VLDLR: variants seen among roughly 807,000 people sequenced by gnomAD.
The protein encoded by VLDLR is very low density lipoprotein receptor, also known as very low-density lipoprotein receptor.
In VLDLR, 81 loss-of-function variants were observed where a neutral mutation model predicts 112.7. The ratio of observed to expected loss-of-function variants is 0.72; its 90% confidence interval spans 0.60 to 0.86. The LOEUF (loss-of-function observed/expected upper bound fraction) is 0.86. VLDLR is among the 40% of genes least tolerant of loss of function. The probability of loss-of-function intolerance (pLI) is 0.00; values close to 1 mark genes in which losing one functional copy is unlikely to be tolerated. For missense variants in VLDLR, 1,237 were observed against 1,099.4 expected, an observed-to-expected ratio of 1.13 and a Z score of -1.77; for synonymous variants, 436 against 384.8, an observed-to-expected ratio of 1.13 and a Z score of -1.56.
At chr9:2,637,560 G>A (rs1490430576) in intron 2 of VLDLR, among the ~76,000 whole-genome samples, 2 of 152,086 alleles carry the variant, frequency 1.3e-5, no homozygotes, top group Admixed American at 6.5e-5. Flanking sequence ...AGAACCATAC[G>A]GCAATTTGTC....
rs879865598 is a variant in VLDLR at position 2,654,860 on chromosome 9, C to T, written c.*992C>T. 5 of 152,028 alleles carry T rather than the reference C, an allele frequency of 3.3e-5. No individual in the cohort carries two copies. Among genetic ancestry groups the T allele is most frequent in the Non-Finnish European group, 7.4e-5 (5 of 67,992 alleles). 9.4% of individuals were successfully genotyped at this position (152,028 alleles called of 1,614,324 possible). A position where few individuals can be genotyped will look rare whatever the true frequency, so the allele number is the denominator to read the frequency against. On this transcript the variant is annotated 3_prime_UTR_variant, in exon 19 of 19. Transcript: ENST00000382100. ...TATATAGGTCAAGGACAAGTGCCTTCTAAGGCATGGATAAGGGCTTTCTTC... is the reference window on the plus strand; with the variant it reads ...TATATAGGTCAAGGACAAGTGCCTTTTAAGGCATGGATAAGGGCTTTCTTC...
Position 2,644,957 on chromosome 9 carries a change from A to G in VLDLR, c.1187A>G (p.Asp396Gly). The change falls in exon 9 of 19, where the codon GAT (aspartate) becomes GGT (glycine). Residue 396 changes from aspartate to glycine, a missense_variant and splice_region_variant. Coordinates refer to ENST00000382100, the MANE Select transcript of VLDLR (RefSeq NM_003383.5). The part of the protein sequence containing the change: ...FELIDRKTCG[D>G]IDECQNPGIC... ...AGACTAATTCTGATTTCCCTCCCAG[A>G]TATTGATGAATGCCAAAATCCAGGA... 6.2e-7 allele frequency: 1 copy of G among 1,614,196 alleles called. No individual in the cohort carries two copies. Among genetic ancestry groups the G allele is most frequent in the Non-Finnish European group, 8.5e-7 (1 of 1,180,030 alleles).
In VLDLR at chr9:2,659,425, C is replaced by G. The variant is rs558506764; in HGVS notation, c.*5557C>G. The G allele has an allele frequency of 3.9e-5, 6 of 152,342 alleles. No individual in the cohort carries two copies. Among genetic ancestry groups the G allele is most frequent in the Admixed American group, 1.3e-4 (2 of 15,302 alleles). 9.4% of individuals were successfully genotyped at this position (152,342 alleles called of 1,614,324 possible). ...TACTACTAGCACTACTACATCAGGTCAGCACAGATTAACTCAGTTACGTGT... is the reference window on the plus strand; with the variant it reads ...TACTACTAGCACTACTACATCAGGTGAGCACAGATTAACTCAGTTACGTGT... On this transcript the variant is annotated 3_prime_UTR_variant, in exon 19 of 19. Coordinates refer to ENST00000382100, the MANE Select transcript of VLDLR (RefSeq NM_003383.5).
chr9:2,623,281 T>G (rs1816922632), intron 1 of VLDLR, among the ~76,000 whole-genome samples: 1 of 152,192 alleles, frequency 6.6e-6, no homozygotes, highest in African/African-American at 2.4e-5. Flanking sequence ...CTCGTAACTT[T>G]CCTGGACAGG....
rs1199575304 is a variant in VLDLR at position 2,622,237 on chromosome 9, C to T, written c.48C>T (p.Cys16=). The part of the protein sequence containing the change: ...LWALWLLLAL[C]WAPRESGATG... Reference sequence around the variant, plus strand: ...CGCTCTGGCTGCTGCTCGCGCTGTGCTGGGCGCCCCGGGAGAGCGGCGCCA... The same window carrying T: ...CGCTCTGGCTGCTGCTCGCGCTGTGTTGGGCGCCCCGGGAGAGCGGCGCCA... The change falls in exon 1 of 19, where the codon TGC becomes TGT. Residue 16 remains cysteine (C), a synonymous_variant. Transcript: ENST00000382100. 3 of 1,500,890 alleles carry T rather than the reference C, an allele frequency of 2.0e-6. No homozygotes were observed. Among genetic ancestry groups the T allele is most frequent in the African/African-American group, 1.4e-5 (1 of 69,384 alleles). 93.0% of individuals were successfully genotyped at this position (1,500,890 alleles called of 1,614,324 possible).
intron 1 of VLDLR, among the ~76,000 whole-genome samples, chr9:2,635,062 G>T (rs1817541634): frequency 6.6e-6 from 1 of 152,072 alleles, no homozygotes; most frequent in Admixed American, 6.6e-5. Context: ...GGCTCCATTT[G>T]CCCGAGATCA....
chr9:2,652,914 A>G lies in VLDLR; in HGVS notation c.2551A>G (p.Arg851Gly). Residue 851 changes from arginine (R) to glycine (G), a missense_variant, in exon 18 of 19, where the codon AGA becomes GGA. Physicochemically the swap from Arg to Gly is moderately radical, Grantham distance 125 (BLOSUM62 -2). Transcript: ENST00000382100. ...TEEDLSIDIGRHSASVGHTYP... is the reference protein window; with the variant it reads ...TEEDLSIDIGGHSASVGHTYP... ...AGAGGACCTCTCCATAGACATTGGTAGACACAGTGCTTCTGTTGGACACAC... is the reference window on the plus strand; with the variant it reads ...AGAGGACCTCTCCATAGACATTGGTGGACACAGTGCTTCTGTTGGACACAC... The G allele has an allele frequency of 2.5e-6, 4 of 1,614,128 alleles. No homozygotes were observed. Among genetic ancestry groups the G allele is most frequent in the Non-Finnish European group, 3.4e-6 (4 of 1,179,990 alleles).
At chr9:2,629,010 C>T (rs1014630499) in intron 1 of VLDLR, among the ~76,000 whole-genome samples, 6 of 152,140 alleles carry the variant, frequency 3.9e-5, no homozygotes. Flanking sequence ...GCTTCTTAAC[C>T]TTAGTGCAGT....
intron 1 of VLDLR, among the ~76,000 whole-genome samples, chr9:2,622,805 T>C (rs1171855699): frequency 6.6e-6 from 1 of 152,012 alleles, no homozygotes; most frequent in East Asian, 1.9e-4. Flanking sequence ...CTGGCGCACG[T>C]TCGGTGGGCG....
intron 1 of VLDLR, 58 bp from the exon 2 acceptor site, chr9:2,635,395 A>C (rs1260599145): frequency 2.5e-6 from 4 of 1,611,582 alleles, no homozygotes; most frequent in East Asian, 2.2e-5. Flanking sequence ...CATGGGTATT[A>C]GGTATCTTGA....
chr9:2,647,750 T>TGGTG, intron 12 of VLDLR, 158 bp downstream of exon 12: 1 of 737,406 alleles, frequency 1.4e-6, no homozygotes, highest in Non-Finnish European at 2.4e-6. Context: ...ACAAGTAAAA[T>TGGTG]GGTGGATTAA....
intron 1 of VLDLR, among the ~76,000 whole-genome samples, chr9:2,628,873 A>G (rs78428902): frequency 6.6e-6 from 1 of 152,302 alleles, no homozygotes; most frequent in Non-Finnish European, 1.5e-5. Flanking sequence ...TATCATGTGT[A>G]TTGTAAAAGA....
At chr9:2,647,898 A>C in intron 12 of VLDLR, 1 of 565,838 alleles carries the variant, frequency 1.8e-6, no homozygotes, top group Non-Finnish European at 3.1e-6. Flanking sequence ...CCTGAATTGC[A>C]GGCTTTTAAC....
Position 2,622,097 on chromosome 9 carries a change from C to A in VLDLR, c.-93C>A. 1.5e-6 allele frequency: 2 copies of A among 1,292,254 alleles called. No individual in the cohort carries two copies. The highest frequency in any genetic ancestry group is 2.1e-6 in the Non-Finnish European group (2 of 967,218). 80.0% of individuals were successfully genotyped at this position (1,292,254 alleles called of 1,614,324 possible). A position where few individuals can be genotyped will look rare whatever the true frequency, so the allele number is the denominator to read the frequency against. ...TCTCCCCCTTTCCCCTCCCCGCCCCCACCTTCTTCCTCCTTTCGGAAGGAC... is the reference window on the plus strand; with the variant it reads ...TCTCCCCCTTTCCCCTCCCCGCCCCAACCTTCTTCCTCCTTTCGGAAGGAC... On this transcript the variant is annotated 5_prime_UTR_variant, in exon 1 of 19. Coordinates refer to ENST00000382100, the MANE Select transcript of VLDLR (RefSeq NM_003383.5).
At chr9:2,640,101 C>T (rs1259916392) in intron 3 of VLDLR, 120 bp downstream of exon 3, 1 of 1,509,188 alleles carries the variant, frequency 6.6e-7, no homozygotes, top group Non-Finnish European at 9.2e-7. Context: ...AAGTTTAGGT[C>T]AATTGACTCC....
chr9:2,652,042 G>T, intron 17 of VLDLR, 88 bp downstream of exon 17: 1 of 1,193,230 alleles, frequency 8.4e-7, no homozygotes, highest in African/African-American at 1.5e-5. Context: ...CCCCTTTCAT[G>T]GGCCTTTATG....
At chr9:2,632,087 A>T (rs750446033) in intron 1 of VLDLR, among the ~76,000 whole-genome samples, 67 of 152,340 alleles carry the variant, frequency 4.4e-4, no homozygotes, top group Middle Eastern at 3.4e-3. Context: ...ATAAGTGAGT[A>T]GGTACAAGCG....
chr9:2,646,645 T>A (rs1818089955), intron 11 of VLDLR, 93 bp downstream of exon 11: 2 of 1,183,688 alleles, frequency 1.7e-6, no homozygotes, highest in South Asian at 2.6e-5. Context: ...AATCTCAAGG[T>A]TTATGAGCCT....
Position 2,654,033 on chromosome 9 carries a change from T to C in VLDLR, c.*165T>C. 1 of 661,126 alleles carries C rather than the reference T, an allele frequency of 1.5e-6. No individual in the cohort carries two copies. The highest frequency in any genetic ancestry group is 2.6e-6 in the Non-Finnish European group (1 of 378,252). The allele number at this position is 661,126 out of a possible 1,614,324, so 41.0% of individuals were successfully genotyped here. ...TGTACTTGACCGTTTTTATATTACT[T>C]TTGTAAATATTCTTGTCCACATTCT... is the stretch of plus-strand genomic sequence containing the variant. On this transcript the variant is annotated 3_prime_UTR_variant, in exon 19 of 19. Transcript: ENST00000382100.
Sources: gnomAD v4.1 joint callset for allele counts (sites outside exome capture counted in the v4.1 genomes callset) on GRCh38, gnomAD v4.1.1 for gene constraint, MANE v1.5 for transcripts, NCBI Gene and HGNC (gene_info 2026-07-23, HGNC 2026-07-21) for gene names.